Variants in CLTA observed in about 807,000 individuals in gnomAD.
CLTA encodes clathrin light chain A.
Under a neutral mutation model 26.9 loss-of-function variants are expected in CLTA, and 9 were observed. The observed-to-expected ratio is 0.33, with a 90% CI of 0.20 to 0.58. CLTA has a LOEUF of 0.58. CLTA is among the 20% of genes least tolerant of loss of function. CLTA has a pLI of 0.85. For synonymous variants in CLTA, 120 were observed against 115.5 expected (o/e 1.04, Z -0.25); for missense variants, 278 against 294.2 (o/e 0.94, Z 0.40).
intron 4 of CLTA, among the ~76,000 whole-genome samples, chr9:36,207,880 A>C (rs10046825): frequency 0.095 from 14,409 of 152,244 alleles, 926 homozygotes; most frequent in South Asian, 0.18. Context: ...TTATGGGTTT[A>C]TAAGCCAGCC....
chr9:36,193,489 T>C (rs1219206711), intron 1 of CLTA, among the ~76,000 whole-genome samples: 1 of 152,234 alleles, frequency 6.6e-6, no homozygotes, highest in African/African-American at 2.4e-5. Flanking sequence ...TAATGCTATG[T>C]GGCATCTTTA....
chr9:36,191,334 TC>T, intron 1 of CLTA, 61 bp downstream of exon 1: 1 of 1,434,644 alleles, frequency 7.0e-7, no homozygotes, highest in South Asian at 1.4e-5. Flanking sequence ...CCACAGTGGG[TC>T]CGAGAGCTTC....
chr9:36,199,560 C>T (rs952994624), intron 3 of CLTA, among the ~76,000 whole-genome samples: 2 of 151,614 alleles, frequency 1.3e-5, no homozygotes, highest in African/African-American at 4.9e-5. Flanking sequence ...CACCATTCTC[C>T]TGCCCTCAGC....
intron 1 of CLTA, among the ~76,000 whole-genome samples, chr9:36,194,100 A>G (rs1826894921): frequency 6.6e-6 from 1 of 152,118 alleles, no homozygotes; most frequent in Non-Finnish European, 1.5e-5. Flanking sequence ...ATCTCGGTTC[A>G]CTGCAACCTC....
chr9:36,209,115 C>T (rs1827891150), intron 4 of CLTA: 1 of 866,798 alleles, frequency 1.2e-6, no homozygotes, highest in Non-Finnish European at 1.8e-6. Flanking sequence ...GTCTCCAGCG[C>T]TGGAAGCCTC....
Position 36,192,811 on chromosome 9 carries a change from C to T in CLTA, c.217+1538C>T, listed in dbSNP as rs1826810227. Among the ~76,000 whole-genome samples, 3 of 152,278 alleles carry T rather than the reference C, an allele frequency of 2.0e-5. No individual in the cohort carries two copies. In the South Asian group the frequency reaches 6.2e-4, roughly 32 times the overall value. On this transcript the variant is annotated intron_variant, in intron 1 of 4. Transcript: ENST00000345519. ...CTGTTGCAGTGTTTAGTTGTTTTAG[C>T]AGGGGTGTAGTGCGATAACAGACAG... is the stretch of plus-strand genomic sequence containing the variant.
At position 36,191,090 on chromosome 9, in the gene CLTA, G is replaced by A; in HGVS notation, c.34G>A (p.Gly12Ser). 1.3e-6 allele frequency: 2 copies of A among 1,587,618 alleles called. No homozygotes were observed. Among genetic ancestry groups the A allele is most frequent in the South Asian group, 2.2e-5 (2 of 89,376 alleles). ...GCTGGATCCGTTCGGCGCCCCTGCCGGCGCCCCTGGCGGTCCCGCGCTGGG... is the reference window on the plus strand; with the variant it reads ...GCTGGATCCGTTCGGCGCCCCTGCCAGCGCCCCTGGCGGTCCCGCGCTGGG... ...AELDPFGAPA[G>S]APGGPALGNG... The change falls in exon 1 of 5, where the codon GGC becomes AGC. Residue 12 changes from glycine (G) to serine (S), a missense_variant. By Grantham distance (56) the Gly-to-Ser change is moderately conservative. Transcript: ENST00000345519.
At chr9:36,197,697 T>A (rs1050484054) in intron 2 of CLTA, 109 bp downstream of exon 2, 2 of 760,666 alleles carry the variant, frequency 2.6e-6, no homozygotes. Context: ...CTTTCCTGAA[T>A]GTATTACTGG....
In CLTA at chr9:36,204,144, G is replaced by A; in HGVS notation, c.450G>A (p.Gln150=). Residue 150 remains glutamine (Q), a synonymous_variant, in exon 4 of 5, where the codon CAG becomes CAA. Coordinates refer to ENST00000345519, the MANE Select transcript of CLTA (RefSeq NM_001833.4). ...AGCTAGAAGAATGGTATGCAAGACA[G>A]GACGAGCAGCTACAGAAAACAAAAG... is the stretch of plus-strand genomic sequence containing the variant. ...IKELEEWYAR[Q]DEQLQKTKAN... 6.2e-7 allele frequency: 1 copy of A among 1,614,110 alleles called. No individual in the cohort carries two copies. Among genetic ancestry groups the A allele is most frequent in the Non-Finnish European group, 8.5e-7 (1 of 1,179,984 alleles).
chr9:36,191,344 T>G (rs1485684059), intron 1 of CLTA, 71 bp downstream of exon 1: 5 of 1,406,304 alleles, frequency 3.6e-6, no homozygotes, highest in African/African-American at 1.5e-5. Flanking sequence ...TCCGAGAGCT[T>G]CTGTGTGACT....
intron 2 of CLTA, 74 bp downstream of exon 2, chr9:36,197,662 C>G: frequency 8.4e-7 from 1 of 1,186,684 alleles, no homozygotes; most frequent in East Asian, 2.5e-5. Context: ...ATTGACTGAC[C>G]TAGAAAGAAA....
intron 1 of CLTA, among the ~76,000 whole-genome samples, chr9:36,194,099 C>T (rs575780119): frequency 3.3e-5 from 5 of 152,204 alleles, no homozygotes; most frequent in Admixed American, 2.6e-4. Flanking sequence ...GATCTCGGTT[C>T]ACTGCAACCT....
At chr9:36,202,184 G>T (rs563185218) in intron 3 of CLTA, among the ~76,000 whole-genome samples, 1 of 152,266 alleles carries the variant, frequency 6.6e-6, no homozygotes, top group South Asian at 2.1e-4. Flanking sequence ...TGATTCTTCT[G>T]AACGACAGAT....
chr9:36,210,640 T>C, intron 4 of CLTA: 1 of 1,614,170 alleles, frequency 6.2e-7, no homozygotes, highest in Non-Finnish European at 8.5e-7. Context: ...ACATAAACCA[T>C]CCTTGCTACA....
intron 4 of CLTA, among the ~76,000 whole-genome samples, chr9:36,211,382 C>T (rs928254373): frequency 2.0e-5 from 3 of 152,216 alleles, no homozygotes; most frequent in Admixed American, 1.3e-4. Context: ...GAACCAAACA[C>T]CTGTATTCCA....
intron 1 of CLTA, among the ~76,000 whole-genome samples, chr9:36,194,126 A>G (rs1012566254): frequency 6.6e-6 from 1 of 152,196 alleles, no homozygotes; most frequent in African/African-American, 2.4e-5. Flanking sequence ...CCTGGGTTCA[A>G]GCAGTTATCC....
In CLTA at chr9:36,191,137, CGAA is replaced by C. The variant is rs1826682053; in HGVS notation, c.87_89del (p.Glu29del). On this transcript the variant is annotated inframe_deletion, in exon 1 of 5. Coordinates refer to ENST00000345519, the MANE Select transcript of CLTA (RefSeq NM_001833.4). ...TGGGGAACGGAGTGGCCGGCGCCGG[CGAA>C]GAAGACCCGGCTGCGGCCTTCTTGG... The C allele has an allele frequency of 6.2e-7, 1 of 1,600,578 alleles. No individual in the cohort carries two copies. The highest frequency in any genetic ancestry group is 8.5e-7 in the Non-Finnish European group (1 of 1,175,986).
At chr9:36,193,308 T>C (rs961408435) in intron 1 of CLTA, among the ~76,000 whole-genome samples, 20 of 150,356 alleles carry the variant, frequency 1.3e-4, no homozygotes, top group Non-Finnish European at 1.9e-4. Context: ...CTTAGTTTTC[T>C]TTTTCCTTCT....
At chr9:36,205,952 A>G (rs368366752) in intron 4 of CLTA, among the ~76,000 whole-genome samples, 7 of 151,910 alleles carry the variant, frequency 4.6e-5, no homozygotes, top group Admixed American at 1.3e-4. Flanking sequence ...AGTAGAAACA[A>G]GGTTTCACTG....
Sources: gnomAD v4.1 joint callset for allele counts (sites outside exome capture counted in the v4.1 genomes callset) on GRCh38, gnomAD v4.1.1 for gene constraint, MANE v1.5 for transcripts, NCBI Gene and HGNC (gene_info 2026-07-23, HGNC 2026-07-21) for gene names.